Variants in CALCRL observed in about 807,000 individuals in gnomAD.
The protein encoded by CALCRL is calcitonin receptor like receptor.
In CALCRL, 27 loss-of-function variants were observed where a neutral mutation model predicts 60.4. The ratio of observed to expected loss-of-function variants is 0.45; its 90% CI spans 0.33 to 0.62. The LOEUF is 0.62. Among genes scored for constraint, CALCRL ranks in the 20% least tolerant of loss-of-function variants. CALCRL has a pLI of 0.03. For synonymous variants in CALCRL, 190 were observed against 182.6 expected, an observed-to-expected ratio of 1.04 and a Z score of -0.33; for missense variants, 424 against 540.7, an observed-to-expected ratio of 0.78 and a Z score of 2.14.
At chr2:187,396,150 G>T (rs1345777407) in intron 1 of CALCRL, among the ~76,000 whole-genome samples, 4 of 146,790 alleles carry the variant, frequency 2.7e-5, no homozygotes, top group African/African-American at 1.0e-4. Flanking sequence ...CTCATTACAT[G>T]AGAATTCAGG....
intron 1 of CALCRL, among the ~76,000 whole-genome samples, chr2:187,430,589 G>T (rs1296274680): frequency 1.3e-5 from 2 of 152,110 alleles, no homozygotes; most frequent in African/African-American, 4.8e-5. Context: ...TGGAACAGCA[G>T]TCTTTCTGGA....
At chr2:187,435,659 T>C (rs969384429) in intron 1 of CALCRL, among the ~76,000 whole-genome samples, 1 of 152,132 alleles carries the variant, frequency 6.6e-6, no homozygotes, top group Admixed American at 6.6e-5. Context: ...TGTATCAAAA[T>C]ATATGAAATG....
intron 1 of CALCRL, among the ~76,000 whole-genome samples, chr2:187,398,512 C>T (rs1161218973): frequency 1.3e-5 from 2 of 151,496 alleles, no homozygotes; most frequent in African/African-American, 4.8e-5. Flanking sequence ...GTCTGATTAG[C>T]ACATCTTCTT....
At chr2:187,414,877 T>TTA (rs1491202939) in intron 1 of CALCRL, among the ~76,000 whole-genome samples, 125 of 2,704 alleles carry the variant, frequency 0.046, 1 homozygote, top group African/African-American at 0.094. Context: ...CAGAAAATTA[T>TTA]TTTTTTTTTT....
chr2:187,352,088 C>T (rs201515706), intron 13 of CALCRL, 26 bp downstream of exon 13: 1 of 1,598,244 alleles, frequency 6.3e-7, no homozygotes, highest in Non-Finnish European at 8.6e-7. Flanking sequence ...ACTTCTCAAG[C>T]TGCCTTCTTA....
chr2:187,395,969 C>CTGTTATA (rs1688632908), intron 1 of CALCRL, among the ~76,000 whole-genome samples: 1 of 151,732 alleles, frequency 6.6e-6, no homozygotes, highest in Non-Finnish European at 1.5e-5. Context: ...AGTTTTTACT[C>CTGTTATA]CTAGTAACCT....
intron 14 of CALCRL, 123 bp from the exon 15 acceptor site, chr2:187,346,522 T>C: frequency 3.1e-6 from 2 of 635,128 alleles, no homozygotes; most frequent in South Asian, 4.1e-5. Context: ...GTTATGTTAA[T>C]CAGTGAATAA....
rs571615331 is a variant in CALCRL, at chr2:187,387,411, T to C, written c.-119A>G. 55 of 188,542 alleles carry C rather than the reference T, an allele frequency of 2.9e-4. No homozygotes were observed. The highest frequency in any genetic ancestry group is 1.2e-3 in the African/African-American group (51 of 43,254). 11.7% of individuals were successfully genotyped at this position (188,542 alleles called of 1,614,324 possible). A position where few individuals can be genotyped will look rare whatever the true frequency, so the allele number is the denominator to read the frequency against. On this transcript the variant is annotated 5_prime_UTR_variant, in exon 3 of 15. Coordinates refer to ENST00000392370, the MANE Select transcript of CALCRL (RefSeq NM_005795.6). Reference sequence around the variant, plus strand: ...TGAAGTTTGCAGCAGTCTTGTCAAGTTGTAGTAGTTTTCTTTTTAGTGGTA... The same window carrying C: ...TGAAGTTTGCAGCAGTCTTGTCAAGCTGTAGTAGTTTTCTTTTTAGTGGTA...
At chr2:187,424,945 AT>A (rs1690054897) in intron 1 of CALCRL, among the ~76,000 whole-genome samples, 1 of 152,000 alleles carries the variant, frequency 6.6e-6, no homozygotes, top group Non-Finnish European at 1.5e-5. Context: ...AAGGTTTTTT[AT>A]AATGTCATTT....
At chr2:187,378,111 AAAG>A (rs905006997) in intron 8 of CALCRL, among the ~76,000 whole-genome samples, 2 of 151,714 alleles carry the variant, frequency 1.3e-5, no homozygotes, top group East Asian at 1.9e-4. Context: ...GGAGGAGGAA[AAAG>A]AAGAACAAGA....
intron 8 of CALCRL, among the ~76,000 whole-genome samples, chr2:187,371,708 C>G (rs1478962616): frequency 6.7e-6 from 1 of 149,458 alleles, no homozygotes; most frequent in Non-Finnish European, 1.5e-5. Context: ...TGCACTCCAG[C>G]CTGGGCGACA....
At chr2:187,405,252 A>G (rs1203888398) in intron 1 of CALCRL, among the ~76,000 whole-genome samples, 2 of 152,030 alleles carry the variant, frequency 1.3e-5, no homozygotes, top group African/African-American at 4.8e-5. Context: ...TATAATTTTG[A>G]GTAAAATTAT....
chr2:187,395,961 T>TATAACAATCCTG (rs1688632094), intron 1 of CALCRL, among the ~76,000 whole-genome samples: 1 of 151,758 alleles, frequency 6.6e-6, no homozygotes, highest in Non-Finnish European at 1.5e-5. Context: ...ACAGAAACAG[T>TATAACAATCCTG]TTTTACTCCT....
chr2:187,387,147 T>A (rs1688241167), intron 3 of CALCRL, among the ~76,000 whole-genome samples, 182 bp downstream of exon 3: 1 of 152,184 alleles, frequency 6.6e-6, no homozygotes, highest in South Asian at 2.1e-4. Context: ...AAGCTTAGAT[T>A]TAATTTTGTT....
chr2:187,444,598 G>A (rs1043720439), intron 1 of CALCRL, among the ~76,000 whole-genome samples: 43 of 151,504 alleles, frequency 2.8e-4, no homozygotes, highest in African/African-American at 9.9e-4. Context: ...GAAAAAAATG[G>A]AAGAAATGTG....
rs1249429807 is a variant in CALCRL at position 187,363,397 on chromosome 2, C to G, written c.606G>C (p.Gln202His). The G allele has an allele frequency of 3.7e-6, 6 of 1,611,118 alleles. No individual in the cohort carries two copies. The highest frequency in any genetic ancestry group is 5.1e-6 in the Non-Finnish European group (6 of 1,178,716). The change falls in exon 9 of 15, where the codon CAG (glutamine) becomes CAC (histidine). Residue 202 changes from glutamine (Q) to histidine (H), a missense_variant. This residue lies in a region of CALCRL where 43 missense variants were observed against 40.9 expected (regional missense o/e 1.05). Coordinates refer to ENST00000392370, the MANE Select transcript of CALCRL (RefSeq NM_005795.6). Reference sequence around the variant, plus strand: ...TTACAGGATTTGTGGCTACTAAGGCCTGGTTGTTGGCCACTGCAGTGAGGT... The same window carrying G: ...TTACAGGATTTGTGGCTACTAAGGCGTGGTTGTTGGCCACTGCAGTGAGGT... ...IIHLTAVANN[Q>H]ALVATNPVSC...
intron 14 of CALCRL, among the ~76,000 whole-genome samples, chr2:187,351,385 A>G (rs572874285): frequency 6.6e-6 from 1 of 151,834 alleles, no homozygotes; most frequent in Admixed American, 6.6e-5. Context: ...TGAAGAGTAC[A>G]TGGTCATGTT....
intron 1 of CALCRL, among the ~76,000 whole-genome samples, chr2:187,404,811 T>G (rs1392704061): frequency 1.3e-5 from 2 of 150,850 alleles, no homozygotes; most frequent in Non-Finnish European, 3.0e-5. Context: ...GGAGCAGGAG[T>G]CAGTATGGGT....
chr2:187,359,161 A>AT, intron 11 of CALCRL, 32 bp from the exon 12 acceptor site: 1 of 1,603,714 alleles, frequency 6.2e-7, no homozygotes, highest in Non-Finnish European at 8.5e-7. Flanking sequence ...TATGTTGAAA[A>AT]TTTTTATTTT....
Sources: allele counts gnomAD v4.1 joint callset (sites outside exome capture counted in the v4.1 genomes callset), GRCh38; gene constraint gnomAD v4.1.1; regional missense constraint gnomAD v4.1.1; transcripts MANE v1.5; gene names NCBI Gene and HGNC (gene_info 2026-07-23, HGNC 2026-07-21).